The following ZDHHC3 variants were observed in gnomAD, a reference collection of about 807,000 sequenced individuals.
The protein encoded by ZDHHC3 is zDHHC palmitoyltransferase 3.
Under a neutral mutation model 30.6 loss-of-function variants are expected in ZDHHC3, and 9 were observed. The ratio of observed to expected loss-of-function variants is 0.29; its 90% confidence interval spans 0.18 to 0.51. ZDHHC3 has a LOEUF of 0.51. Among genes scored for constraint, ZDHHC3 ranks in the 20% least tolerant of loss-of-function variants. The pLI is 0.97. For missense variants in ZDHHC3, 246 were observed against 384.2 expected (o/e 0.64, Z 3.01); for synonymous variants, 136 against 140.2 (o/e 0.97, Z 0.21).
In ZDHHC3 at chr3:44,916,660, C is replaced by T. The variant is rs1700191068; in HGVS notation, c.*10029G>A. ...TGGGTGGTGAATCCACTTCTTATACCAAACGGGGATAAGAACCCTTCTGTT... is the reference window on the plus strand; with the variant it reads ...TGGGTGGTGAATCCACTTCTTATACTAAACGGGGATAAGAACCCTTCTGTT... On this transcript the variant is annotated 3_prime_UTR_variant, in exon 7 of 7. Transcript: ENST00000424952. The T allele has an allele frequency of 6.6e-6, 1 of 152,198 alleles. No individual in the cohort carries two copies. The highest frequency in any genetic ancestry group is 1.5e-5 in the Non-Finnish European group (1 of 68,054). 9.4% of individuals were successfully genotyped at this position (152,198 alleles called of 1,614,324 possible). A position where few individuals can be genotyped will look rare whatever the true frequency, so the allele number is the denominator to read the frequency against.
chr3:44,970,361 T>C (rs1418548164), intron 1 of ZDHHC3, among the ~76,000 whole-genome samples: 1 of 152,174 alleles, frequency 6.6e-6, no homozygotes, highest in East Asian at 1.9e-4. Flanking sequence ...AGGCTAGTGC[T>C]AAAGGGAATG....
chr3:44,969,908 C>T (rs1321059974), intron 1 of ZDHHC3: 1 of 152,196 alleles, frequency 6.6e-6, no homozygotes, highest in Non-Finnish European at 1.5e-5. Flanking sequence ...GAAAAAACGC[C>T]TCCCCCCATG....
chr3:44,956,280 G>C (rs551357450), intron 2 of ZDHHC3, among the ~76,000 whole-genome samples: 1 of 152,276 alleles, frequency 6.6e-6, no homozygotes, highest in Admixed American at 6.5e-5. Flanking sequence ...CTCCAACCCT[G>C]ATCCTCCATC....
rs991714687 is a variant in ZDHHC3 at position 44,919,824 on chromosome 3, G to A, written c.*6865C>T. Reference sequence around the variant, plus strand: ...TTTGTACTGTTTTTGTCACATTTTTGTAAGTCTGATTTCACAAAAAGTTTA... The same window carrying A: ...TTTGTACTGTTTTTGTCACATTTTTATAAGTCTGATTTCACAAAAAGTTTA... On this transcript the variant is annotated 3_prime_UTR_variant, in exon 7 of 7. Coordinates refer to ENST00000424952, the MANE Select transcript of ZDHHC3 (RefSeq NM_001135179.2). 6 of 955,414 alleles carry A rather than the reference G, an allele frequency of 6.3e-6. No homozygotes were observed. The highest frequency in any genetic ancestry group is 9.7e-5 in the South Asian group (2 of 20,690). The allele number at this position is 955,414 out of a possible 1,614,324, so 59.2% of individuals were successfully genotyped here. A position where few individuals can be genotyped will look rare whatever the true frequency, so the allele number is the denominator to read the frequency against.
At chr3:44,975,080 C>G (rs1457265555) in intron 1 of ZDHHC3, among the ~76,000 whole-genome samples, 2 of 149,520 alleles carry the variant, frequency 1.3e-5, no homozygotes, top group African/African-American at 4.9e-5. Context: ...GGCTGAGGGT[C>G]CTCAAAAATG....
In ZDHHC3 at chr3:44,919,970, A is replaced by G; in HGVS notation, c.*6719T>C. The G allele has an allele frequency of 8.9e-7, 1 of 1,121,906 alleles. No homozygotes were observed. Among genetic ancestry groups the G allele is most frequent in the Non-Finnish European group, 1.1e-6 (1 of 903,318 alleles). The allele number at this position is 1,121,906 out of a possible 1,614,324, so 69.5% of individuals were successfully genotyped here. A position where few individuals can be genotyped will look rare whatever the true frequency, so the allele number is the denominator to read the frequency against. ...TGATGGTTAAGCAAATGATTCTATA[A>G]CACTATGCAGCTAGAAAAGATGGTT... On this transcript the variant is annotated 3_prime_UTR_variant, in exon 7 of 7. Coordinates refer to ENST00000424952, the MANE Select transcript of ZDHHC3 (RefSeq NM_001135179.2).
At position 44,933,900 on chromosome 3, in the gene ZDHHC3, G is replaced by A. The variant is rs1701714445; in HGVS notation, c.516C>T (p.Phe172=). 4 of 1,614,206 alleles carry A rather than the reference G, an allele frequency of 2.5e-6. No homozygotes were observed. Among genetic ancestry groups the A allele is most frequent in the Non-Finnish European group, 3.4e-6 (4 of 1,180,036 alleles). ...NCVGENNQKY[F]VLFTMYIALI... ...CAAGCTGACTTACTGTAAACAGGAC[G>A]AAGTACTTCTGGTTGTTCTCGCCTA... Residue 172 remains phenylalanine (F), a synonymous_variant, in exon 4 of 7, where the codon TTC becomes TTT. Coordinates refer to ENST00000424952, the MANE Select transcript of ZDHHC3 (RefSeq NM_001135179.2).
intron 3 of ZDHHC3, among the ~76,000 whole-genome samples, chr3:44,936,755 A>G (rs1251929022): frequency 2.0e-5 from 3 of 152,120 alleles, no homozygotes; most frequent in African/African-American, 7.2e-5. Flanking sequence ...AAAGATAACT[A>G]TTGGGTACTG....
chr3:44,921,917 A>G lies in ZDHHC3; in HGVS notation c.*4772T>C, dbSNP rs1256592472. On this transcript the variant is annotated 3_prime_UTR_variant, in exon 7 of 7. Coordinates refer to ENST00000424952, the MANE Select transcript of ZDHHC3 (RefSeq NM_001135179.2). Reference sequence around the variant, plus strand: ...CATGTGCGGCCCCTAGAAGGCTTTTAGCGAACGTCCCTCTGCAGCGCTTGT... The same window carrying G: ...CATGTGCGGCCCCTAGAAGGCTTTTGGCGAACGTCCCTCTGCAGCGCTTGT... The G allele has an allele frequency of 2.0e-6, 2 of 985,294 alleles. No homozygotes were observed. Among genetic ancestry groups the G allele is most frequent in the Non-Finnish European group, 2.4e-6 (2 of 829,938 alleles). The allele number at this position is 985,294 out of a possible 1,614,324, so 61.0% of individuals were successfully genotyped here.
Position 44,929,390 on chromosome 3 carries a change from C to T in ZDHHC3, c.657G>A (p.Leu219=). The part of the protein sequence containing the change: ...SPPTTVILLI[L]LCFEGLLFLI... Reference sequence around the variant, plus strand: ...GGAAGAGCAGGCCCTCAAAGCACAGCAGGATAAGGAGAATCACTGTGGTGG... The same window carrying T: ...GGAAGAGCAGGCCCTCAAAGCACAGTAGGATAAGGAGAATCACTGTGGTGG... The change falls in exon 6 of 7, where the codon CTG becomes CTA. Residue 219 remains leucine, a synonymous_variant. Coordinates refer to ENST00000424952, the MANE Select transcript of ZDHHC3 (RefSeq NM_001135179.2). The T allele has an allele frequency of 6.2e-7, 1 of 1,614,112 alleles. No homozygotes were observed.
rs1272059738 is a variant in ZDHHC3 at position 44,920,617 on chromosome 3, G to A, written c.*6072C>T. The A allele has an allele frequency of 1.0e-6, 1 of 985,410 alleles. No individual in the cohort carries two copies. Among genetic ancestry groups the A allele is most frequent in the South Asian group, 4.7e-5 (1 of 21,278 alleles). The allele number at this position is 985,410 out of a possible 1,614,324, so 61.0% of individuals were successfully genotyped here. A position where few individuals can be genotyped will look rare whatever the true frequency, so the allele number is the denominator to read the frequency against. Reference sequence around the variant, plus strand: ...TATCAGAACTGGAACCAGAACTAGTGTCTTTTTTTCTGCCCAACAGGTTTC... The same window carrying A: ...TATCAGAACTGGAACCAGAACTAGTATCTTTTTTTCTGCCCAACAGGTTTC... On this transcript the variant is annotated 3_prime_UTR_variant, in exon 7 of 7. Coordinates refer to ENST00000424952, the MANE Select transcript of ZDHHC3 (RefSeq NM_001135179.2).
At chr3:44,973,234 A>G (rs1312658231) in intron 1 of ZDHHC3, among the ~76,000 whole-genome samples, 1 of 152,192 alleles carries the variant, frequency 6.6e-6, no homozygotes, top group Non-Finnish European at 1.5e-5. Context: ...AATCTGGTGA[A>G]TGTAATAAAA....
At chr3:44,943,571 T>C (rs921775627) in intron 3 of ZDHHC3, among the ~76,000 whole-genome samples, 2 of 152,034 alleles carry the variant, frequency 1.3e-5, no homozygotes, top group Non-Finnish European at 2.9e-5. Context: ...CACCCAAATG[T>C]CTCCGCAGGC....
Position 44,920,649 on chromosome 3 carries a change from T to C in ZDHHC3, c.*6040A>G. The C allele has an allele frequency of 4.1e-6, 4 of 985,426 alleles. No individual in the cohort carries two copies. The highest frequency in any genetic ancestry group is 4.8e-6 in the Non-Finnish European group (4 of 829,922). 61.0% of individuals were successfully genotyped at this position (985,426 alleles called of 1,614,324 possible). ...TTTCTGCCCAACAGGTTTCCAGTTC[T>C]ACTGCAAATCACCACTGTGCCCAGG... On this transcript the variant is annotated 3_prime_UTR_variant, in exon 7 of 7. Coordinates refer to ENST00000424952, the MANE Select transcript of ZDHHC3 (RefSeq NM_001135179.2).
rs1477703542 is a variant in ZDHHC3 at position 44,923,234 on chromosome 3, C to A, written c.*3455G>T. The A allele has an allele frequency of 3.6e-6, 3 of 836,540 alleles. No individual in the cohort carries two copies. Among genetic ancestry groups the A allele is most frequent in the South Asian group, 5.5e-5 (1 of 18,206 alleles). 51.8% of individuals were successfully genotyped at this position (836,540 alleles called of 1,614,324 possible). A position where few individuals can be genotyped will look rare whatever the true frequency, so the allele number is the denominator to read the frequency against. ...GGGACTACAGACGCCTGCCACCACG[C>A]CCAGCTAATTTTTTTATATTTTTAG... On this transcript the variant is annotated 3_prime_UTR_variant, in exon 7 of 7. Transcript: ENST00000424952.
chr3:44,950,212 A>C (rs146463409), intron 2 of ZDHHC3, among the ~76,000 whole-genome samples: 1 of 152,352 alleles, frequency 6.6e-6, no homozygotes, highest in Non-Finnish European at 1.5e-5. Context: ...CACAACTAGA[A>C]GTTACTATTG....
At chr3:44,928,537 A>ACC (rs1701204507) in intron 6 of ZDHHC3, among the ~76,000 whole-genome samples, 1 of 151,980 alleles carries the variant, frequency 6.6e-6, no homozygotes. Flanking sequence ...TGTTCCTCAC[A>ACC]CCCAGAGCTA....
chr3:44,931,516 C>A (rs890704754), intron 5 of ZDHHC3, among the ~76,000 whole-genome samples: 2 of 152,194 alleles, frequency 1.3e-5, no homozygotes, highest in Non-Finnish European at 2.9e-5. Context: ...CCTCTGCCCC[C>A]ACTCACACCA....
chr3:44,921,752 A>G lies in ZDHHC3; in HGVS notation c.*4937T>C, dbSNP rs1299669285. The G allele has an allele frequency of 1.9e-5, 18 of 967,562 alleles. No homozygotes were observed. The African/African-American group carries it at 2.8e-4, about 15-fold the overall frequency. 59.9% of individuals were successfully genotyped at this position (967,562 alleles called of 1,614,324 possible). Reference sequence around the variant, plus strand: ...CTTAAAGAAGTTACTGCTCAAGGTCATATTTTGGTAGTAGGTGCGGTAATA... The same window carrying G: ...CTTAAAGAAGTTACTGCTCAAGGTCGTATTTTGGTAGTAGGTGCGGTAATA... On this transcript the variant is annotated 3_prime_UTR_variant, in exon 7 of 7. Coordinates refer to ENST00000424952, the MANE Select transcript of ZDHHC3 (RefSeq NM_001135179.2).
Sources: gnomAD v4.1 joint callset for allele counts (sites outside exome capture counted in the v4.1 genomes callset) on GRCh38, gnomAD v4.1.1 for gene constraint, MANE v1.5 for transcripts, NCBI Gene and HGNC (gene_info 2026-07-23, HGNC 2026-07-21) for gene names.